Variants in RC3H1 observed in about 807,000 individuals in gnomAD.
The protein encoded by RC3H1 is ring finger and CCCH-type domains 1.
In RC3H1, 50 loss-of-function variants were observed where a neutral mutation model predicts 138.2. The observed-to-expected ratio is 0.36, with a 90% confidence interval of 0.29 to 0.46. The LOEUF is 0.46. RC3H1 is among the 20% of genes least tolerant of loss of function. The probability of loss-of-function intolerance (pLI) is 1.00; values close to 1 mark genes in which losing one functional copy is unlikely to be tolerated. For missense variants in RC3H1, 1,031 were observed against 1,388.1 expected (o/e 0.74, Z 4.09); for synonymous variants, 462 against 489.1 (o/e 0.94, Z 0.73).
At chr1:174,004,719 G>A (rs1239656850) in intron 1 of RC3H1, among the ~76,000 whole-genome samples, 1 of 152,018 alleles carries the variant, frequency 6.6e-6, no homozygotes, top group Non-Finnish European at 1.5e-5. Context: ...TAGGGAGGCT[G>A]AGGCAGGAGA....
chr1:173,956,942 C>G (rs1490267416), intron 13 of RC3H1, among the ~76,000 whole-genome samples: 1 of 151,844 alleles, frequency 6.6e-6, no homozygotes, highest in Non-Finnish European at 1.5e-5. Context: ...GAGAACGAGT[C>G]TTGTTCTGTC....
intron 13 of RC3H1, among the ~76,000 whole-genome samples, chr1:173,956,709 T>A (rs1659665747): frequency 6.6e-6 from 1 of 151,188 alleles, no homozygotes; most frequent in Non-Finnish European, 1.5e-5. Flanking sequence ...TATCACTCTG[T>A]ATCCCATAAA....
At chr1:174,005,708 C>T (rs1661641670) in intron 1 of RC3H1, among the ~76,000 whole-genome samples, 1 of 152,134 alleles carries the variant, frequency 6.6e-6, no homozygotes, top group Non-Finnish European at 1.5e-5. Context: ...CAATGAACCC[C>T]TCTTGACTTA....
intron 13 of RC3H1, among the ~76,000 whole-genome samples, chr1:173,955,158 G>A (rs1469371996): frequency 5.4e-5 from 8 of 147,594 alleles, no homozygotes; most frequent in East Asian, 2.0e-4. Context: ...CCTGGGAGGC[G>A]GAGGTTGCAG....
chr1:173,952,454 A>G lies in RC3H1; in HGVS notation c.2371-316T>C, dbSNP rs573229136. 2.9e-4 allele frequency among the ~76,000 whole-genome samples: 43 copies of G among 146,606 alleles called. No individual in the cohort carries two copies. In the South Asian group the frequency reaches 7.8e-3, roughly 27 times the overall value. ...TCAATATCCTTCCAGGAATCAAACTAGGATTTTATGGGTTTGCTCATCCTT... is the reference window on the plus strand; with the variant it reads ...TCAATATCCTTCCAGGAATCAAACTGGGATTTTATGGGTTTGCTCATCCTT... On this transcript the variant is annotated intron_variant, in intron 13 of 19. Transcript: ENST00000367696.
Position 173,984,591 on chromosome 1 carries a change from C to T in RC3H1, c.260G>A (p.Cys87Tyr), listed in dbSNP as rs1284368331. 1.9e-6 allele frequency: 3 copies of T among 1,613,868 alleles called. No individual in the cohort carries two copies. The highest frequency in any genetic ancestry group is 2.7e-5 in the African/African-American group (2 of 74,926). Reference sequence around the variant, plus strand: ...ATGCTTTGTGTCTTCAACCCCACTACACAAAGTAATAGGCTGCTGCTCAGG... The same window carrying T: ...ATGCTTTGTGTCTTCAACCCCACTATACAAAGTAATAGGCTGCTGCTCAGG... ...QVPEQQPITL[C>Y]SGVEDTKHYE... is the part of the protein sequence containing the mutation. Residue 87 changes from cysteine (C) to tyrosine (Y), a missense_variant, in exon 3 of 20, where the codon TGT becomes TAT. Physicochemically the swap from Cys to Tyr is radical, Grantham distance 194 (BLOSUM62 -2). This residue lies in a region of RC3H1 where 80 missense variants were observed against 81.1 expected (regional missense o/e 0.99). Transcript: ENST00000367696.
At chr1:173,971,714 C>T (rs1660367223) in intron 8 of RC3H1, among the ~76,000 whole-genome samples, 1 of 152,118 alleles carries the variant, frequency 6.6e-6, no homozygotes, top group South Asian at 2.1e-4. Flanking sequence ...TATGCCTATT[C>T]ATAAATAAAG....
intron 1 of RC3H1, among the ~76,000 whole-genome samples, chr1:173,999,006 T>C (rs1216874274): frequency 6.6e-6 from 1 of 150,984 alleles, no homozygotes. Context: ...AGGTGGGAGG[T>C]ATGCTTGATC....
intron 13 of RC3H1, among the ~76,000 whole-genome samples, chr1:173,959,142 A>G (rs751362806): frequency 1.5e-5 from 2 of 130,606 alleles, no homozygotes; most frequent in Non-Finnish European, 3.0e-5. Flanking sequence ...AAGACAAAAC[A>G]AAAGGATTAA....
chr1:173,957,720 A>G (rs1295620056), intron 13 of RC3H1, among the ~76,000 whole-genome samples: 1 of 151,704 alleles, frequency 6.6e-6, no homozygotes, highest in African/African-American at 2.4e-5. Context: ...CACCACACCT[A>G]GCTCATTTTT....
intron 9 of RC3H1, among the ~76,000 whole-genome samples, chr1:173,969,752 G>T (rs1330302748): frequency 6.6e-6 from 1 of 151,352 alleles, no homozygotes; most frequent in Non-Finnish European, 1.5e-5. Context: ...AAATTAAGAG[G>T]TTTTTCCTTT....
At chr1:173,948,332 T>C (rs1416364655) in intron 14 of RC3H1, among the ~76,000 whole-genome samples, 1 of 152,172 alleles carries the variant, frequency 6.6e-6, no homozygotes, top group Non-Finnish European at 1.5e-5. Context: ...GTTTAGCTCA[T>C]TAGAGCATCT....
chr1:173,997,996 C>T (rs1056565697), intron 1 of RC3H1, among the ~76,000 whole-genome samples: 5 of 152,150 alleles, frequency 3.3e-5, no homozygotes, highest in African/African-American at 4.8e-5. Flanking sequence ...TCAACCACAA[C>T]ATGTATCTAA....
In RC3H1 at chr1:173,977,227, G is replaced by A. The variant is rs1011833600; in HGVS notation, c.1102+1261C>T. Among the ~76,000 whole-genome samples, 17 of 152,098 alleles carry A rather than the reference G, an allele frequency of 1.1e-4. 1 individual carries two copies. The highest frequency in any genetic ancestry group is 1.5e-5 in the Non-Finnish European group (1 of 68,006). On this transcript the variant is annotated intron_variant, in intron 7 of 19. Coordinates refer to ENST00000367696, the MANE Select transcript of RC3H1 (RefSeq NM_172071.4). Reference sequence around the variant, plus strand: ...GCGTAAGCCACTGTGTCAGGCCAGGGATGTGATTTCTTTTACAGCAGTAAG... The same window carrying A: ...GCGTAAGCCACTGTGTCAGGCCAGGAATGTGATTTCTTTTACAGCAGTAAG...
At position 173,936,759 on chromosome 1, in the gene RC3H1, ATATTTTTTTT is replaced by A. The variant is rs1332833815; in HGVS notation, c.*1952_*1961del. 11 of 20,790 alleles carry A rather than the reference ATATTTTTTTT, an allele frequency of 5.3e-4. No homozygotes were observed. The African/African-American group carries it at 6.8e-3, about 13-fold the overall frequency. 1.3% of individuals were successfully genotyped at this position (20,790 alleles called of 1,614,324 possible). ...TATATATATATATATATATATATATATATTTTTTTTTTTTTTTTTAAAAAAAGAAGACAAA... is the reference window on the plus strand; with the variant it reads ...TATATATATATATATATATATATATATTTTTTTTTAAAAAAAGAAGACAAA... On this transcript the variant is annotated 3_prime_UTR_variant, in exon 20 of 20. Transcript: ENST00000367696.
chr1:173,997,055 C>A (rs934187995), intron 1 of RC3H1, among the ~76,000 whole-genome samples: 1 of 151,852 alleles, frequency 6.6e-6, no homozygotes, highest in Non-Finnish European at 1.5e-5. Flanking sequence ...TCAAGTGAGA[C>A]CCCGTCTCTA....
intron 1 of RC3H1, among the ~76,000 whole-genome samples, chr1:174,018,400 A>C (rs1019149313): frequency 1.3e-5 from 2 of 152,202 alleles, no homozygotes; most frequent in African/African-American, 4.8e-5. Context: ...AATCCTGACC[A>C]AAAATGGACA....
In RC3H1 at chr1:173,947,389, G is replaced by C; in HGVS notation, c.2717C>G (p.Thr906Arg). ...MQAMAPQGAP[T>R]KSINISDYSP... is the part of the protein sequence containing the mutation. The stretch of plus-strand genomic sequence containing the variant: ...CTTACCTGAAATGTTAATAGATTTT[G>C]TAGGAGCTCCCTGAGGTGCCATAGC... Residue 906 changes from threonine (T) to arginine (R), a missense_variant, in exon 15 of 20, where the codon ACA (threonine) becomes AGA (arginine). Transcript: ENST00000367696. 1 of 1,613,372 alleles carries C rather than the reference G, an allele frequency of 6.2e-7. No individual in the cohort carries two copies.
chr1:173,943,343 G>A (rs1658989984), intron 18 of RC3H1, 99 bp downstream of exon 18: 1 of 1,148,294 alleles, frequency 8.7e-7, no homozygotes, highest in African/African-American at 1.6e-5. Context: ...CCACTCATCA[G>A]AGTGCCTTGA....
Sources: allele counts gnomAD v4.1 joint callset (sites outside exome capture counted in the v4.1 genomes callset), GRCh38; gene constraint gnomAD v4.1.1; regional missense constraint gnomAD v4.1.1; transcripts MANE v1.5; gene names NCBI Gene and HGNC (gene_info 2026-07-23, HGNC 2026-07-21).